SATB2: variants seen among roughly 807,000 people sequenced by gnomAD.
The protein encoded by SATB2 is DNA-binding protein SATB2.
Under a neutral mutation model 73.4 loss-of-function variants are expected in SATB2, and 1 was observed. The ratio of observed to expected loss-of-function variants is 0.01; its 90% CI spans 0.00 to 0.06. SATB2 has a LOEUF of 0.06. Among genes scored for constraint, SATB2 ranks in the 10% least tolerant of loss-of-function variants. SATB2 has a pLI of 1.00. For missense variants in SATB2, 459 were observed against 945.8 expected, an observed-to-expected ratio of 0.49 and a Z score of 6.75; for synonymous variants, 397 against 367.0, an observed-to-expected ratio of 1.08 and a Z score of -0.93.
intron 9 of SATB2, among the ~76,000 whole-genome samples, chr2:199,316,275 T>C (rs1008318372): frequency 3.3e-5 from 5 of 151,976 alleles, no homozygotes; most frequent in African/African-American, 4.8e-5. Context: ...TCTATTAAAA[T>C]AAATAAACCC....
chr2:199,304,016 C>T (rs909178737), intron 10 of SATB2, among the ~76,000 whole-genome samples: 2 of 152,184 alleles, frequency 1.3e-5, no homozygotes, highest in African/African-American at 2.4e-5. Flanking sequence ...TAATCACCCT[C>T]ACTCAATGAC....
intron 3 of SATB2, among the ~76,000 whole-genome samples, chr2:199,397,248 T>C (rs1340784462): frequency 6.6e-6 from 1 of 152,220 alleles, no homozygotes; most frequent in Non-Finnish European, 1.5e-5. Flanking sequence ...ATCTAATAAT[T>C]ATTGTTAAAT....
chr2:199,350,391 T>C (rs1423524813), intron 6 of SATB2, among the ~76,000 whole-genome samples: 1 of 151,206 alleles, frequency 6.6e-6, no homozygotes, highest in Non-Finnish European at 1.5e-5. Flanking sequence ...GCAGAAATGA[T>C]GTGTGCTGGA....
chr2:199,461,027 A>C (rs937304831), upstream of SATB2, among the ~76,000 whole-genome samples: 1 of 152,324 alleles, frequency 6.6e-6, no homozygotes, highest in Admixed American at 6.5e-5. Context: ...TGTTAGGAAA[A>C]AGCCTAAATT....
upstream of SATB2, chr2:199,469,533 G>A (rs1451355227): frequency 1.6e-4 from 25 of 151,818 alleles, no homozygotes; most frequent in Non-Finnish European, 1.5e-5. Context: ...GAAAAGAAAA[G>A]TGGTGGTGGG....
intron 7 of SATB2, among the ~76,000 whole-genome samples, chr2:199,343,042 A>G (rs979606355): frequency 6.6e-6 from 1 of 152,150 alleles, no homozygotes; most frequent in African/African-American, 2.4e-5. Context: ...TAAACATGAA[A>G]AACTGGGCAG....
intron 3 of SATB2, among the ~76,000 whole-genome samples, chr2:199,385,222 C>T (rs1281637009): frequency 1.3e-5 from 2 of 152,108 alleles, no homozygotes; most frequent in Non-Finnish European, 1.5e-5. Context: ...GCAACCTCTG[C>T]CTCCCAGGCT....
At chr2:199,360,192 A>G (rs1689095548) in intron 6 of SATB2, among the ~76,000 whole-genome samples, 1 of 152,196 alleles carries the variant, frequency 6.6e-6, no homozygotes, top group Non-Finnish European at 1.5e-5. Context: ...GTAGAAGAGG[A>G]TGTCCCCACA....
At chr2:199,361,301 A>G (rs977438352) in intron 6 of SATB2, among the ~76,000 whole-genome samples, 2 of 151,806 alleles carry the variant, frequency 1.3e-5, no homozygotes, top group African/African-American at 4.8e-5. Flanking sequence ...TTCTGCTTGC[A>G]TGTCTCTTTC....
intron 2 of SATB2, among the ~76,000 whole-genome samples, chr2:199,451,650 AGT>A (rs1692127669): frequency 6.6e-6 from 1 of 152,106 alleles, no homozygotes; most frequent in Non-Finnish European, 1.5e-5. Context: ...CCTTTCAAAA[AGT>A]TAAATGTCTC....
chr2:199,430,370 C>T (rs1691466061), intron 3 of SATB2, among the ~76,000 whole-genome samples: 1 of 152,132 alleles, frequency 6.6e-6, no homozygotes, highest in South Asian at 2.1e-4. Flanking sequence ...ATTCATTAGA[C>T]CTCAGTCCAG....
chr2:199,425,803 A>T (rs1691308914), intron 3 of SATB2, among the ~76,000 whole-genome samples: 2 of 152,242 alleles, frequency 1.3e-5, no homozygotes, highest in Admixed American at 6.5e-5. Context: ...GGATGAGGAA[A>T]TAAGGTGAGC....
intron 3 of SATB2, among the ~76,000 whole-genome samples, chr2:199,384,984 T>G (rs1689886393): frequency 1.3e-5 from 2 of 152,348 alleles, no homozygotes; most frequent in African/African-American, 4.8e-5. Flanking sequence ...TATAAAAGAC[T>G]TTTGTTTTAA....
chr2:199,383,383 G>A (rs930687938), intron 3 of SATB2, among the ~76,000 whole-genome samples: 3 of 152,334 alleles, frequency 2.0e-5, no homozygotes, highest in East Asian at 1.9e-4. Context: ...AGCCACCCAC[G>A]AGAGAGTGGG....
intron 7 of SATB2, among the ~76,000 whole-genome samples, chr2:199,338,130 G>A (rs1318430451): frequency 1.3e-5 from 2 of 152,068 alleles, no homozygotes. Context: ...TTAGGAGGCC[G>A]AGGCAGGCAG....
chr2:199,386,765 C>CT (rs1175737965), intron 3 of SATB2, among the ~76,000 whole-genome samples: 5 of 139,820 alleles, frequency 3.6e-5, no homozygotes, highest in Non-Finnish European at 6.2e-5. Flanking sequence ...CACACACACA[C>CT]ACCTTTGAGT....
intron 3 of SATB2, among the ~76,000 whole-genome samples, chr2:199,400,902 A>C (rs1249143835): frequency 6.6e-6 from 1 of 152,208 alleles, no homozygotes; most frequent in African/African-American, 2.4e-5. Context: ...TATTTAACCT[A>C]CATTGGTTAT....
At chr2:199,424,381 C>G (rs1403621192) in intron 3 of SATB2, among the ~76,000 whole-genome samples, 1 of 152,208 alleles carries the variant, frequency 6.6e-6, no homozygotes, top group Admixed American at 6.5e-5. Context: ...CTCTCAAAAC[C>G]ACCACCGAGC....
At chr2:199,348,337 A>G (rs10153805) in intron 7 of SATB2, 21,325 of 174,244 alleles carry the variant, frequency 0.12, 1,620 homozygotes, top group South Asian at 0.32. Flanking sequence ...ATAGTTTTAT[A>G]ATTTGTTTTA....
Sources: allele counts gnomAD v4.1 joint callset (sites outside exome capture counted in the v4.1 genomes callset), GRCh38; gene constraint gnomAD v4.1.1; transcripts MANE v1.5; gene names NCBI Gene and HGNC (gene_info 2026-07-23, HGNC 2026-07-21).